The following EIPR1 variants were observed in gnomAD, a reference collection of about 807,000 sequenced individuals.
EIPR1 encodes EARP complex and GARP complex interacting protein 1, also known as EARP and GARP complex-interacting protein 1.
In EIPR1, 25 loss-of-function variants were observed where a neutral mutation model predicts 48.1. The observed-to-expected ratio is 0.52, with a 90% CI of 0.38 to 0.73. EIPR1 has a LOEUF of 0.73. Ranked by LOEUF, EIPR1 falls within the 30% of genes least tolerant of loss-of-function variation. The pLI is 0.00. For missense variants in EIPR1, 415 were observed against 506.2 expected, an observed-to-expected ratio of 0.82 and a Z score of 1.73; for synonymous variants, 204 against 201.9, an observed-to-expected ratio of 1.01 and a Z score of -0.09.
intron 4 of EIPR1, among the ~76,000 whole-genome samples, chr2:3,251,181 ATCTGAATGATTTCCAAAGTCC>A (rs1666991259): frequency 6.6e-6 from 1 of 152,210 alleles, no homozygotes; most frequent in South Asian, 2.1e-4. Context: ...GAGGGAACTC[ATCTGAATGATTTCCAAAGTCC>A]TTTTCAGCGA....
rs187685140 is a variant in EIPR1, at chr2:3,355,332, G to A, written c.43-699C>T. ...CCCCACAGGTGTACAGCCCAGGAGTGAAGGCAAATGAGAATCAGACCAACC... is the reference window on the plus strand; with the variant it reads ...CCCCACAGGTGTACAGCCCAGGAGTAAAGGCAAATGAGAATCAGACCAACC... On this transcript the variant is annotated intron_variant, in intron 1 of 8. Coordinates refer to ENST00000382125, the MANE Select transcript of EIPR1 (RefSeq NM_003310.5). Among the ~76,000 whole-genome samples, 747 of 152,264 alleles carry A rather than the reference G, an allele frequency of 4.9e-3. 5 individuals carry two copies. The highest frequency in any genetic ancestry group is 8.2e-3 in the Non-Finnish European group (558 of 68,018).
rs546007419 is a variant in EIPR1 at position 3,256,322 on chromosome 2, G to A, written c.416+977C>T. Among the ~76,000 whole-genome samples, 5 of 152,116 alleles carry A rather than the reference G, an allele frequency of 3.3e-5. No individual in the cohort carries two copies. In the East Asian group the frequency reaches 7.8e-4, roughly 24 times the overall value. ...ACAATTAATGGCTGCTCCTTCCGGG[G>A]CCACAGCGTACAGTTCGTAATGATT... On this transcript the variant is annotated intron_variant, in intron 4 of 8. Coordinates refer to ENST00000382125, the MANE Select transcript of EIPR1 (RefSeq NM_003310.5).
At chr2:3,209,433 T>C (rs1208690937) in intron 5 of EIPR1, among the ~76,000 whole-genome samples, 1 of 152,204 alleles carries the variant, frequency 6.6e-6, no homozygotes. Context: ...AAGCTCGGAC[T>C]CCGTGTCCCC....
intron 3 of EIPR1, among the ~76,000 whole-genome samples, chr2:3,283,591 C>A (rs1333052115): frequency 6.6e-6 from 1 of 152,242 alleles, no homozygotes; most frequent in African/African-American, 2.4e-5. Flanking sequence ...GCAAAGGACG[C>A]CCAGACGGGC....
At chr2:3,232,909 G>A (rs1341543235) in intron 4 of EIPR1, among the ~76,000 whole-genome samples, 3 of 49,518 alleles carry the variant, frequency 6.1e-5, no homozygotes, top group African/African-American at 1.0e-4. Context: ...GCCCTAAGTG[G>A]GCATTAAAGA....
chr2:3,297,071 C>A (rs1668625038), intron 3 of EIPR1, among the ~76,000 whole-genome samples: 1 of 152,218 alleles, frequency 6.6e-6, no homozygotes, highest in Non-Finnish European at 1.5e-5. Context: ...TCCTTTTGTC[C>A]ATGAGCTCCT....
intron 3 of EIPR1, among the ~76,000 whole-genome samples, chr2:3,304,049 ACT>A (rs1343374949): frequency 6.6e-6 from 1 of 152,170 alleles, no homozygotes; most frequent in African/African-American, 2.4e-5. Context: ...TGATTTGCTG[ACT>A]CTGATGTAGG....
intron 3 of EIPR1, among the ~76,000 whole-genome samples, chr2:3,262,777 G>A (rs1667373156): frequency 6.6e-6 from 1 of 152,202 alleles, no homozygotes; most frequent in African/African-American, 2.4e-5. Context: ...CATGCCTCTG[G>A]GTCCTGATAA....
chr2:3,256,107 C>T (rs1191862341), intron 4 of EIPR1, among the ~76,000 whole-genome samples: 3 of 152,278 alleles, frequency 2.0e-5, no homozygotes, highest in Admixed American at 6.5e-5. Context: ...TATCCACCGA[C>T]GTGGTAGAAG....
intron 3 of EIPR1, among the ~76,000 whole-genome samples, chr2:3,290,294 T>C (rs1318186244): frequency 1.3e-5 from 2 of 152,216 alleles, no homozygotes; most frequent in African/African-American, 2.4e-5. Context: ...AATTATGACG[T>C]GTTATATGAA....
chr2:3,303,416 T>C (rs1210519064), intron 3 of EIPR1, among the ~76,000 whole-genome samples: 1 of 152,172 alleles, frequency 6.6e-6, no homozygotes, highest in Non-Finnish European at 1.5e-5. Context: ...CTTAGGCTGC[T>C]GCGTGCCAGG....
intron 1 of EIPR1, among the ~76,000 whole-genome samples, chr2:3,373,027 C>T (rs1659739071): frequency 6.6e-6 from 1 of 152,154 alleles, no homozygotes; most frequent in Non-Finnish European, 1.5e-5. Flanking sequence ...AAAAGCTTAT[C>T]CACCATGATC....
intron 5 of EIPR1, among the ~76,000 whole-genome samples, chr2:3,210,850 G>T (rs1049110283): frequency 5.9e-5 from 9 of 151,942 alleles, no homozygotes; most frequent in Admixed American, 1.3e-4. Flanking sequence ...CGTTGGCCAG[G>T]CTGGCCTCAA....
chr2:3,269,764 G>T (rs538576628), intron 3 of EIPR1, among the ~76,000 whole-genome samples: 1 of 151,806 alleles, frequency 6.6e-6, no homozygotes, highest in African/African-American at 2.4e-5. Flanking sequence ...TGGAAATCTC[G>T]CTTCGTCCAA....
chr2:3,331,187 A>C lies in EIPR1; in HGVS notation c.259+6830T>G, dbSNP rs1240037288. ...TGTGAGCAGAGGCAGGTGTACACTC[A>C]TATGGTGTGAGCAGAGGCAGGTGTG... On this transcript the variant is annotated intron_variant, in intron 3 of 8. Transcript: ENST00000382125. 7.2e-5 allele frequency among the ~76,000 whole-genome samples: 9 copies of C among 124,796 alleles called. 1 individual carries two copies. The highest frequency in any genetic ancestry group is 6.8e-4 in the Admixed American group (9 of 13,304). 81.9% of individuals were successfully genotyped at this position (124,796 alleles called of 152,430 possible).
At chr2:3,227,515 C>G (rs1666101928) in intron 4 of EIPR1, among the ~76,000 whole-genome samples, 1 of 152,156 alleles carries the variant, frequency 6.6e-6, no homozygotes, top group Admixed American at 6.5e-5. Context: ...AAATTTGCAG[C>G]CTGACTATGT....
chr2:3,222,872 G>C (rs1014152211), intron 4 of EIPR1, among the ~76,000 whole-genome samples: 1 of 152,212 alleles, frequency 6.6e-6, no homozygotes, highest in African/African-American at 2.4e-5. Flanking sequence ...TGGCTTTCTG[G>C]AAACACAGCC....
At chr2:3,277,301 C>T (rs1205951078) in intron 3 of EIPR1, among the ~76,000 whole-genome samples, 1 of 152,106 alleles carries the variant, frequency 6.6e-6, no homozygotes. Flanking sequence ...CGGCTCCACA[C>T]GTGTCCTCTG....
chr2:3,366,150 A>C (rs1379723565), intron 1 of EIPR1, among the ~76,000 whole-genome samples: 1 of 152,196 alleles, frequency 6.6e-6, no homozygotes, highest in African/African-American at 2.4e-5. Context: ...TCTACGAAAA[A>C]TACAAAAATT....
Sources: allele counts gnomAD v4.1 joint callset (sites outside exome capture counted in the v4.1 genomes callset), GRCh38; gene constraint gnomAD v4.1.1; transcripts MANE v1.5; gene names NCBI Gene and HGNC (gene_info 2026-07-23, HGNC 2026-07-21).